Variants in SAXO2 observed in about 807,000 individuals in gnomAD.
SAXO2 encodes the protein stabilizer of axonemal microtubules 2.
SAXO2 carries 17 observed loss-of-function variants against 18.7 expected under a neutral mutation model. The ratio of observed to expected loss-of-function variants is 0.91; its 90% CI spans 0.62 to 1.36. SAXO2 has a LOEUF of 1.36. Among genes scored for constraint, SAXO2 ranks in the 40% most tolerant of loss-of-function variants. The pLI is 0.00. For missense variants in SAXO2, 486 were observed against 562.6 expected (o/e 0.86, Z 1.38); for synonymous variants, 163 against 181.2 (o/e 0.90, Z 0.81).
intron 3 of SAXO2, among the ~76,000 whole-genome samples, chr15:82,278,328 T>C (rs2141377001): frequency 6.6e-6 from 1 of 152,346 alleles, no homozygotes; most frequent in East Asian, 1.9e-4. Context: ...AGATTGAAGC[T>C]GGACTGGGAC....
intron 1 of SAXO2, chr15:82,264,618 G>C: frequency 1.4e-6 from 1 of 701,992 alleles, no homozygotes; most frequent in Non-Finnish European, 2.6e-6. Context: ...TAGTTCACTT[G>C]GAAGAACTTA....
Position 82,277,978 on chromosome 15 carries a change from A to C in SAXO2, c.434-4141A>C, listed in dbSNP as rs2075329811. Among the ~76,000 whole-genome samples, 5 of 152,108 alleles carry C rather than the reference A, an allele frequency of 3.3e-5. No individual in the cohort carries two copies. In the South Asian group the frequency reaches 1.0e-3, roughly 32 times the overall value. ...CTGGAGACCACAGAAAGTTTCCTTC[A>C]TAGTGCGGGCATGGAGAGAAAAATG... On this transcript the variant is annotated intron_variant, in intron 3 of 3. Transcript: ENST00000682753.
intron 2 of SAXO2, among the ~76,000 whole-genome samples, chr15:82,268,265 C>T (rs1325552132): frequency 6.6e-6 from 1 of 152,038 alleles, no homozygotes; most frequent in Non-Finnish European, 1.5e-5. Flanking sequence ...TTGCTTTTAA[C>T]CAGTTCTAAA....
At chr15:82,271,540 T>A in intron 2 of SAXO2, 63 bp from the exon 3 acceptor site, 1 of 1,355,602 alleles carries the variant, frequency 7.4e-7, no homozygotes. Flanking sequence ...TTTTCCATAC[T>A]TCATTGAAAT....
rs1300185789 is a variant in SAXO2 at position 82,283,070 on chromosome 15, A to G, written c.*8A>G. ...GCAGTGAAGGCCTTCTAATAACCAAAATGTGCTTAAAAGGAAGGTACTAGC... is the reference window on the plus strand; with the variant it reads ...GCAGTGAAGGCCTTCTAATAACCAAGATGTGCTTAAAAGGAAGGTACTAGC... On this transcript the variant is annotated 3_prime_UTR_variant, in exon 4 of 4. Transcript: ENST00000682753. The G allele has an allele frequency of 1.3e-6, 2 of 1,570,972 alleles. No homozygotes were observed. The highest frequency in any genetic ancestry group is 2.3e-5 in the East Asian group (1 of 44,230).
intron 2 of SAXO2, among the ~76,000 whole-genome samples, chr15:82,269,241 A>G (rs563040771): frequency 1.1e-3 from 172 of 152,336 alleles, no homozygotes; most frequent in Middle Eastern, 6.8e-3. Context: ...GATAAAATCT[A>G]TGAAGGACAG....
rs1336164563 is a variant in SAXO2, at chr15:82,273,003, T to C, written c.433+1201T>C. On this transcript the variant is annotated intron_variant, in intron 3 of 3. Transcript: ENST00000682753. The stretch of plus-strand genomic sequence containing the variant: ...TCACTGCAACCTCTGTCTCCTGGGT[T>C]CAAGCAAGTCTCCTGTCTCAGCCTC... 2.6e-5 allele frequency among the ~76,000 whole-genome samples: 4 copies of C among 151,910 alleles called. No homozygotes were observed. In the East Asian group the frequency reaches 7.8e-4, roughly 30 times the overall value.
Position 82,263,004 on chromosome 15 carries a change from C to T in SAXO2, c.53+72C>T, listed in dbSNP as rs2075151131. ...CTAGGGCCTAGGTGCACGGAGCCGG[C>T]TCCTCGGGAACCCTGAGAGTGGCCG... On this transcript the variant is annotated intron_variant, in intron 1 of 3. Transcript: ENST00000682753. 5 of 1,555,132 alleles carry T rather than the reference C, an allele frequency of 3.2e-6. No individual in the cohort carries two copies. In the South Asian group the frequency reaches 5.9e-5, roughly 18 times the overall value.
Position 82,264,068 on chromosome 15 carries a change from A to ATT in SAXO2, c.53+1156_53+1157dup, listed in dbSNP as rs397853729. Among the ~76,000 whole-genome samples, 197 of 86,916 alleles carry ATT rather than the reference A, an allele frequency of 2.3e-3. 2 individuals are homozygous for ATT. Among genetic ancestry groups the ATT allele is most frequent in the African/African-American group, 6.6e-3 (155 of 23,382 alleles). The allele number at this position is 86,916 out of a possible 152,430, so 57.0% of individuals were successfully genotyped here. On this transcript the variant is annotated intron_variant, in intron 1 of 3. Transcript: ENST00000682753. ...TAAGACTTGTTTTACATATGCATTG[A>ATT]TTTTTTTTTTTTTTTTTTTTTGAGA...
intron 3 of SAXO2, among the ~76,000 whole-genome samples, chr15:82,281,106 C>A (rs2075358800): frequency 6.6e-6 from 1 of 152,156 alleles, no homozygotes. Flanking sequence ...AAATTTCTAT[C>A]TTTTATAAAT....
At chr15:82,280,915 G>A (rs1425928262) in intron 3 of SAXO2, among the ~76,000 whole-genome samples, 1 of 152,132 alleles carries the variant, frequency 6.6e-6, no homozygotes, top group South Asian at 2.1e-4. Context: ...TCAGGTACAC[G>A]CTCTCATCCA....
intron 3 of SAXO2, among the ~76,000 whole-genome samples, chr15:82,272,997 C>G (rs1352678192): frequency 6.6e-6 from 1 of 151,852 alleles, no homozygotes; most frequent in Non-Finnish European, 1.5e-5. Context: ...CCTCTGTCTC[C>G]TGGGTTCAAG....
chr15:82,262,866 C>G lies in SAXO2; in HGVS notation c.-14C>G. On this transcript the variant is annotated 5_prime_UTR_variant, in exon 1 of 4. Transcript: ENST00000682753. ...TGGAGAAGCTGCAAGTGCTGAGGCG[C>G]GGTGGAGGAAAGCATGGGAGCCAAG... The G allele has an allele frequency of 6.3e-7, 1 of 1,584,018 alleles. No individual in the cohort carries two copies. Among genetic ancestry groups the G allele is most frequent in the Non-Finnish European group, 8.6e-7 (1 of 1,165,456 alleles).
rs1014135412 is a variant in SAXO2 at position 82,283,332 on chromosome 15, T to C, written c.*270T>C. On this transcript the variant is annotated 3_prime_UTR_variant, in exon 4 of 4. Transcript: ENST00000682753. ...TTTTAGTATTCAACATACTGCTTAG[T>C]AGCTTGTCCCCAGTCTATTATCATT... 1.4e-5 allele frequency: 3 copies of C among 220,950 alleles called. No homozygotes were observed. The highest frequency in any genetic ancestry group is 2.6e-5 in the Non-Finnish European group (3 of 115,110). The allele number at this position is 220,950 out of a possible 1,614,324, so 13.7% of individuals were successfully genotyped here. A position where few individuals can be genotyped will look rare whatever the true frequency, so the allele number is the denominator to read the frequency against.
intron 3 of SAXO2, among the ~76,000 whole-genome samples, chr15:82,279,204 A>G (rs2075341327): frequency 6.6e-6 from 1 of 152,220 alleles, no homozygotes; most frequent in Admixed American, 6.5e-5. Flanking sequence ...TAGACCTTAT[A>G]GACGTTTATT....
chr15:82,272,108 G>A (rs2075277483), intron 3 of SAXO2: 1 of 287,674 alleles, frequency 3.5e-6, no homozygotes, highest in Admixed American at 4.8e-5. Context: ...GTCACTTTGT[G>A]TCACATTTAG....
At position 82,282,720 on chromosome 15, in the gene SAXO2, G is replaced by C; in HGVS notation, c.1035G>C (p.Met345Ile). The change falls in exon 4 of 4, where the codon ATG becomes ATC. Residue 345 changes from methionine (M) to isoleucine (I), a missense_variant. By Grantham distance (10) the Met-to-Ile change is conservative. Coordinates refer to ENST00000682753, the MANE Select transcript of SAXO2 (RefSeq NM_001348699.2). Reference protein sequence around the residue: ...NNFPFQGKSIMKEDFPAWESC... With the variant: ...NNFPFQGKSIIKEDFPAWESC... ...TTCCTTTCCAAGGAAAAAGCATCATGAAAGAAGATTTTCCAGCATGGGAAA... is the reference window on the plus strand; with the variant it reads ...TTCCTTTCCAAGGAAAAAGCATCATCAAAGAAGATTTTCCAGCATGGGAAA... The C allele has an allele frequency of 6.2e-7, 1 of 1,614,128 alleles. No homozygotes were observed.
chr15:82,266,946 T>C (rs1458980863), intron 2 of SAXO2, among the ~76,000 whole-genome samples: 1 of 152,254 alleles, frequency 6.6e-6, no homozygotes, highest in Non-Finnish European at 1.5e-5. Flanking sequence ...CTTACCTTTT[T>C]TGATCTCTGT....
intron 2 of SAXO2, among the ~76,000 whole-genome samples, chr15:82,266,296 A>G (rs2075217909): frequency 6.6e-6 from 1 of 152,236 alleles, no homozygotes; most frequent in Non-Finnish European, 1.5e-5. Flanking sequence ...CTTTCTAAGT[A>G]TAATATCTGA....
Sources: gnomAD v4.1 joint callset for allele counts (sites outside exome capture counted in the v4.1 genomes callset) on GRCh38, gnomAD v4.1.1 for gene constraint, MANE v1.5 for transcripts, NCBI Gene and HGNC (gene_info 2026-07-23, HGNC 2026-07-21) for gene names.